The following MBP variants were observed in gnomAD, a reference collection of about 807,000 sequenced individuals.
MBP encodes the protein myelin basic protein.
In MBP, 16 loss-of-function variants were observed where a neutral mutation model predicts 35.8. That is an observed-to-expected ratio of 0.45 (90% confidence interval 0.30 to 0.68). The LOEUF (loss-of-function observed/expected upper bound fraction) is 0.68, where lower values mean the gene tolerates loss of function less well. MBP is among the 30% of genes least tolerant of loss of function. The probability of loss-of-function intolerance (pLI) is 0.08; values close to 1 mark genes in which losing one functional copy is unlikely to be tolerated. For synonymous variants in MBP, 143 were observed against 159.6 expected (o/e 0.90, Z 0.78); for missense variants, 380 against 404.7 (o/e 0.94, Z 0.52).
At chr18:77,041,997 G>A (rs187144140) in intron 3 of MBP, among the ~76,000 whole-genome samples, 296 of 151,450 alleles carry the variant, frequency 2.0e-3, no homozygotes, top group African/African-American at 6.7e-3. Context: ...CACAGACCCC[G>A]CATCATCGAT....
rs553202612 is a variant in MBP at position 77,072,662 on chromosome 18, CTTA to C, written c.52-6280_52-6278del. On this transcript the variant is annotated intron_variant, in intron 2 of 8. Coordinates refer to ENST00000355994, the MANE Select transcript of MBP (RefSeq NM_001025101.2). ...CTTCACACTGTTATCAGAATAAGCC[CTTA>C]TTTTTTCTCAGAACCATCAAAGCCA... Among the ~76,000 whole-genome samples, 34 of 152,304 alleles carry C rather than the reference CTTA, an allele frequency of 2.2e-4. No individual in the cohort carries two copies. The East Asian group carries it at 6.4e-3, about 28-fold the overall frequency.
At chr18:77,000,668 C>T (rs1224739940) in intron 4 of MBP, among the ~76,000 whole-genome samples, 1 of 152,196 alleles carries the variant, frequency 6.6e-6, no homozygotes, top group African/African-American at 2.4e-5. Context: ...TGCTGCCCGC[C>T]GCCTGTTTCT....
At chr18:77,023,009 C>T (rs1428638088) in intron 3 of MBP, among the ~76,000 whole-genome samples, 1 of 152,194 alleles carries the variant, frequency 6.6e-6, no homozygotes, top group African/African-American at 2.4e-5. Context: ...AAAATATGTA[C>T]TTATAATATT....
chr18:77,066,096 C>T, intron 3 of MBP: 1 of 521,908 alleles, frequency 1.9e-6, no homozygotes, highest in Non-Finnish European at 3.4e-6. Context: ...CTCCTGGGCT[C>T]AAGCGATCCT....
chr18:77,077,649 G>A (rs1169947067), intron 2 of MBP, among the ~76,000 whole-genome samples: 1 of 152,168 alleles, frequency 6.6e-6, no homozygotes, highest in African/African-American at 2.4e-5. Flanking sequence ...GCCGGCCCGG[G>A]GCGGTGGCCT....
At chr18:77,001,118 C>T (rs1175108989) in intron 4 of MBP, among the ~76,000 whole-genome samples, 1 of 152,244 alleles carries the variant, frequency 6.6e-6, no homozygotes, top group East Asian at 1.9e-4. Flanking sequence ...GGTCCCTGCC[C>T]ACCCGGTCCC....
At chr18:77,028,814 C>A (rs1456257114) in intron 3 of MBP, among the ~76,000 whole-genome samples, 5,226 of 69,288 alleles carry the variant, frequency 0.075, 622 homozygotes, top group East Asian at 0.14. Context: ...ACTTCTCAGA[C>A]GGGGCGGCCG....
chr18:77,078,580 G>T (rs767555968), intron 2 of MBP, among the ~76,000 whole-genome samples: 4 of 152,184 alleles, frequency 2.6e-5, no homozygotes, highest in Non-Finnish European at 5.9e-5. Context: ...CAGGAAATTC[G>T]AAGCCGTCTT....
chr18:77,017,318 C>T (rs767047294), intron 3 of MBP, 50 bp from the exon 4 acceptor site: 13 of 1,451,792 alleles, frequency 9.0e-6, no homozygotes, highest in South Asian at 1.6e-5. Context: ...AGCTGAGCAC[C>T]GGACAAAGCA....
At chr18:77,032,547 G>A (rs1197370570) in intron 3 of MBP, among the ~76,000 whole-genome samples, 5 of 152,232 alleles carry the variant, frequency 3.3e-5, no homozygotes, top group African/African-American at 9.6e-5. Context: ...GGACGGGGTC[G>A]GCGAGGCGCG....
intron 4 of MBP, chr18:77,016,426 CG>C: frequency 9.8e-7 from 1 of 1,017,034 alleles, no homozygotes; most frequent in Non-Finnish European, 1.2e-6. Flanking sequence ...CAGGAAAAAA[CG>C]AGCATAACCC....
chr18:77,057,943 C>A (rs1311614004), intron 3 of MBP, among the ~76,000 whole-genome samples: 1 of 37,604 alleles, frequency 2.7e-5, no homozygotes, highest in Non-Finnish European at 4.4e-5. Context: ...TCTCCTGCCT[C>A]AGCCTCCCGA....
chr18:77,015,512 A>G (rs541458492), intron 4 of MBP: 1 of 985,468 alleles, frequency 1.0e-6, no homozygotes, highest in Non-Finnish European at 1.2e-6. Flanking sequence ...GAACATGTCT[A>G]CAAATGCACT....
intron 3 of MBP, among the ~76,000 whole-genome samples, chr18:77,033,832 A>G (rs1313547123): frequency 9.9e-5 from 15 of 151,290 alleles, no homozygotes; most frequent in Admixed American, 9.9e-4. Flanking sequence ...CCACATATCC[A>G]TTTATCCATC....
intron 2 of MBP, among the ~76,000 whole-genome samples, chr18:77,084,759 A>C (rs1975153925): frequency 6.6e-6 from 1 of 152,214 alleles, no homozygotes. Context: ...AATATTATTT[A>C]AACACTGTCT....
chr18:77,105,305 G>C lies in MBP; in HGVS notation c.-25-19C>G, dbSNP rs185790875. 1.1e-5 allele frequency: 17 copies of C among 1,516,968 alleles called. No homozygotes were observed. Among genetic ancestry groups the C allele is most frequent in the Non-Finnish European group, 1.3e-5 (14 of 1,092,542 alleles). 94.0% of individuals were successfully genotyped at this position (1,516,968 alleles called of 1,614,324 possible). A position where few individuals can be genotyped will look rare whatever the true frequency, so the allele number is the denominator to read the frequency against. ...TCAGAGGCTAAAAGAGAAAGAGAAA[G>C]TGTCAGCCCTAAGTCTAGTGCTCTT... On this transcript the variant is annotated intron_variant, in intron 1 of 8. Transcript: ENST00000355994.
In MBP at chr18:77,079,993, T is replaced by C. The variant is rs530443215; in HGVS notation, c.52-13608A>G. Reference sequence around the variant, plus strand: ...CAAGTCTACTAGTATTTTATGTGGATGGAAAAAAACGCATGTTTTTTAAAC... The same window carrying C: ...CAAGTCTACTAGTATTTTATGTGGACGGAAAAAAACGCATGTTTTTTAAAC... On this transcript the variant is annotated intron_variant, in intron 2 of 8. Coordinates refer to ENST00000355994, the MANE Select transcript of MBP (RefSeq NM_001025101.2). Among the ~76,000 whole-genome samples the C allele has an allele frequency of 6.6e-5, 10 of 152,298 alleles. No individual in the cohort carries two copies. In the East Asian group the frequency reaches 7.7e-4, roughly 12 times the overall value.
At chr18:77,097,468 C>A (rs1024725958) in intron 2 of MBP, 1 of 152,196 alleles carries the variant, frequency 6.6e-6, no homozygotes, top group Admixed American at 6.5e-5. Flanking sequence ...CTGCTCTGGG[C>A]GATGTCCTAG....
intron 7 of MBP, chr18:76,985,386 A>T (rs1969490577): frequency 1.6e-6 from 2 of 1,249,752 alleles, no homozygotes; most frequent in South Asian, 2.7e-5. Context: ...ATTGATTTGC[A>T]CAGATTGGAT....
Sources: gnomAD v4.1 joint callset for allele counts (sites outside exome capture counted in the v4.1 genomes callset) on GRCh38, gnomAD v4.1.1 for gene constraint, MANE v1.5 for transcripts, NCBI Gene and HGNC (gene_info 2026-07-23, HGNC 2026-07-21) for gene names.